Variants in SPOCK3 observed in about 807,000 individuals in gnomAD.
SPOCK3 encodes the protein testican-3.
Under a neutral mutation model 56.6 loss-of-function variants are expected in SPOCK3, and 30 were observed. The observed-to-expected ratio is 0.53, with a 90% CI of 0.40 to 0.72. SPOCK3 has a LOEUF of 0.72. Among genes scored for constraint, SPOCK3 ranks in the 30% least tolerant of loss-of-function variants. The pLI is 0.00. For synonymous variants in SPOCK3, 196 were observed against 183.3 expected, an observed-to-expected ratio of 1.07 and a Z score of -0.56; for missense variants, 527 against 530.0, an observed-to-expected ratio of 0.99 and a Z score of 0.06.
At chr4:166,928,022 T>C (rs1739312297) in intron 4 of SPOCK3, among the ~76,000 whole-genome samples, 1 of 152,104 alleles carries the variant, frequency 6.6e-6, no homozygotes, top group South Asian at 2.1e-4. Context: ...ATTGAAACCA[T>C]GGGATAGCAC....
intron 2 of SPOCK3, among the ~76,000 whole-genome samples, chr4:167,066,138 G>A (rs1756109167): frequency 6.6e-6 from 1 of 151,718 alleles, no homozygotes; most frequent in South Asian, 2.1e-4. Context: ...TTTTCCTTGT[G>A]GTTTTAATGT....
chr4:166,795,611 C>T (rs1177959589), intron 6 of SPOCK3, among the ~76,000 whole-genome samples: 1 of 151,642 alleles, frequency 6.6e-6, no homozygotes, highest in Non-Finnish European at 1.5e-5. Context: ...AAAGTTTAAA[C>T]CATACACTTT....
At chr4:167,026,618 C>T (rs528887881) in intron 3 of SPOCK3, among the ~76,000 whole-genome samples, 1 of 151,898 alleles carries the variant, frequency 6.6e-6, no homozygotes, top group Admixed American at 6.6e-5. Flanking sequence ...CAGCTCTTCC[C>T]TATTGTTTGA....
chr4:167,009,596 A>G (rs1243850166), intron 3 of SPOCK3, among the ~76,000 whole-genome samples: 1 of 152,144 alleles, frequency 6.6e-6, no homozygotes. Context: ...AGAATTTTTC[A>G]CCAGCCAGTG....
chr4:167,222,453 T>A (rs559852146), intron 2 of SPOCK3, among the ~76,000 whole-genome samples: 2 of 143,902 alleles, frequency 1.4e-5, no homozygotes, highest in East Asian at 3.9e-4. Context: ...CTTTTTACAA[T>A]TAAAAATTAT....
Position 166,749,363 on chromosome 4 carries a change from C to T in SPOCK3, c.931+5145G>A, listed in dbSNP as rs577744735. ...GGACATGGATGAAGCTGGAAACTAT[C>T]ATTCTGAGCAAACTATCACAAGGAC... is the stretch of plus-strand genomic sequence containing the variant. On this transcript the variant is annotated intron_variant, in intron 8 of 10. Transcript: ENST00000357545. 1.5e-4 allele frequency among the ~76,000 whole-genome samples: 14 copies of T among 91,284 alleles called. No individual in the cohort carries two copies. The East Asian group carries it at 2.8e-3, about 18-fold the overall frequency. 59.9% of individuals were successfully genotyped at this position (91,284 alleles called of 152,430 possible).
At chr4:166,798,835 G>A (rs1277402757) in intron 6 of SPOCK3, among the ~76,000 whole-genome samples, 1 of 152,156 alleles carries the variant, frequency 6.6e-6, no homozygotes, top group Non-Finnish European at 1.5e-5. Flanking sequence ...TGATGTGACA[G>A]CAGCAGCTGA....
chr4:166,736,727 G>A (rs562840737), intron 10 of SPOCK3, among the ~76,000 whole-genome samples: 12 of 151,956 alleles, frequency 7.9e-5, no homozygotes, highest in African/African-American at 2.9e-4. Flanking sequence ...GCGCGTGTGT[G>A]TGTCTACAAT....
intron 2 of SPOCK3, among the ~76,000 whole-genome samples, chr4:167,179,225 G>C (rs772012615): frequency 3.3e-5 from 5 of 151,986 alleles, no homozygotes; most frequent in African/African-American, 4.8e-5. Flanking sequence ...ATTTTCCTTA[G>C]TTTCTTCCTT....
At chr4:166,797,211 A>G (rs2126674130) in intron 6 of SPOCK3, among the ~76,000 whole-genome samples, 1 of 148,706 alleles carries the variant, frequency 6.7e-6, no homozygotes, top group South Asian at 2.2e-4. Flanking sequence ...TTATAATTTA[A>G]GTGGCATGGA....
intron 4 of SPOCK3, among the ~76,000 whole-genome samples, chr4:166,950,023 T>A (rs976106214): frequency 2.0e-5 from 3 of 149,742 alleles, no homozygotes; most frequent in Admixed American, 2.0e-4. Flanking sequence ...AGAAACTGCA[T>A]CAACTAACGA....
At chr4:166,809,077 T>C (rs1474691541) in intron 6 of SPOCK3, among the ~76,000 whole-genome samples, 3 of 152,116 alleles carry the variant, frequency 2.0e-5, no homozygotes, top group Non-Finnish European at 4.4e-5. Context: ...AGATCAAATA[T>C]TACATGGTTT....
At chr4:166,917,155 T>C (rs534819862) in intron 4 of SPOCK3, among the ~76,000 whole-genome samples, 51 of 152,260 alleles carry the variant, frequency 3.3e-4, no homozygotes, top group African/African-American at 7.2e-4. Flanking sequence ...AATAAAATAA[T>C]ATTTGCATTA....
intron 2 of SPOCK3, among the ~76,000 whole-genome samples, chr4:167,094,138 G>T (rs541462730): frequency 6.6e-6 from 1 of 152,154 alleles, no homozygotes; most frequent in African/African-American, 2.4e-5. Flanking sequence ...TATAATACAT[G>T]TGACAATACA....
At chr4:166,776,335 C>T (rs2126595382) in intron 7 of SPOCK3, among the ~76,000 whole-genome samples, 1 of 152,206 alleles carries the variant, frequency 6.6e-6, no homozygotes, top group Admixed American at 6.5e-5. Context: ...ATCGCTTCAA[C>T]CCGGGAAGTG....
chr4:167,015,750 CAAGT>C (rs1338919005), intron 3 of SPOCK3, among the ~76,000 whole-genome samples: 1 of 152,108 alleles, frequency 6.6e-6, no homozygotes, highest in African/African-American at 2.4e-5. Context: ...AGAAATTATC[CAAGT>C]AATTGCATCA....
At chr4:167,134,022 C>CTTTTTTTTT (rs34410893) in intron 2 of SPOCK3, among the ~76,000 whole-genome samples, 15 of 80,550 alleles carry the variant, frequency 1.9e-4, no homozygotes, top group Non-Finnish European at 2.5e-4. Flanking sequence ...ACACCTTTTT[C>CTTTTTTTTT]TTTTTTTTTT....
At chr4:166,968,932 G>C (rs1055739440) in intron 4 of SPOCK3, among the ~76,000 whole-genome samples, 2 of 152,170 alleles carry the variant, frequency 1.3e-5, no homozygotes, top group African/African-American at 4.8e-5. Context: ...AGCCACAGGG[G>C]TGGAGCTGCC....
At chr4:166,983,539 G>A (rs115131645) in intron 4 of SPOCK3, among the ~76,000 whole-genome samples, 1,807 of 152,124 alleles carry the variant, frequency 0.012, 26 homozygotes, top group African/African-American at 0.041. Context: ...TTCTAGATAG[G>A]AGAAATAAAT....
Sources: gnomAD v4.1 joint callset for allele counts (sites outside exome capture counted in the v4.1 genomes callset) on GRCh38, gnomAD v4.1.1 for gene constraint, MANE v1.5 for transcripts, NCBI Gene and HGNC (gene_info 2026-07-23, HGNC 2026-07-21) for gene names.